Variants in PCDH9 observed in about 807,000 individuals in gnomAD.
The protein encoded by PCDH9 is protocadherin-9.
In PCDH9, 24 loss-of-function variants were observed where a neutral mutation model predicts 70.6. The observed-to-expected ratio is 0.34, with a 90% CI of 0.25 to 0.48. The LOEUF is 0.48. PCDH9 is among the 20% of genes least tolerant of loss of function. The pLI is 0.99. For missense variants in PCDH9, 1,281 were observed against 1,503.6 expected, an observed-to-expected ratio of 0.85 and a Z score of 2.45; for synonymous variants, 562 against 558.5, an observed-to-expected ratio of 1.01 and a Z score of -0.09.
At chr13:66,411,214 C>G (rs1187547110) in intron 4 of PCDH9, among the ~76,000 whole-genome samples, 1 of 152,184 alleles carries the variant, frequency 6.6e-6, no homozygotes, top group African/African-American at 2.4e-5. Context: ...ATTGGATAAT[C>G]ACTTCTTTAC....
At chr13:66,636,649 G>A (rs906739224) in intron 3 of PCDH9, among the ~76,000 whole-genome samples, 9 of 151,946 alleles carry the variant, frequency 5.9e-5, no homozygotes, top group East Asian at 1.9e-4. Context: ...ATATCTTCTC[G>A]TGGAAACATT....
chr13:66,722,831 G>A (rs762172868), intron 3 of PCDH9, among the ~76,000 whole-genome samples: 3 of 151,906 alleles, frequency 2.0e-5, no homozygotes, highest in African/African-American at 4.8e-5. Context: ...AGCCAGGCAC[G>A]GTGGCAGGTA....
intron 3 of PCDH9, among the ~76,000 whole-genome samples, chr13:66,671,656 T>TA (rs1381729180): frequency 2.6e-5 from 4 of 152,166 alleles, no homozygotes; most frequent in Admixed American, 2.0e-4. Flanking sequence ...GCCCCTGCCC[T>TA]AGAAATCTGT....
At chr13:66,944,817 C>CTCTGTGTG (rs779023332) in intron 2 of PCDH9, among the ~76,000 whole-genome samples, 2 of 135,348 alleles carry the variant, frequency 1.5e-5, no homozygotes, top group South Asian at 2.5e-4. Flanking sequence ...CTAATCGTCT[C>CTCTGTGTG]TGTGTGTGTG....
chr13:66,574,882 A>G (rs955116238), intron 4 of PCDH9, among the ~76,000 whole-genome samples: 2 of 152,156 alleles, frequency 1.3e-5, no homozygotes, highest in Non-Finnish European at 2.9e-5. Context: ...AATAGCAAAG[A>G]TATTTTTGGG....
rs1422986109 is a variant in PCDH9, at chr13:66,901,614, A to G, written c.3138+1890T>C. ...ACTGTTCTTTCACAAATGGACTAAT[A>G]ATATAAATAAACATCATAACTCTAG... On this transcript the variant is annotated intron_variant, in intron 3 of 4. Coordinates refer to ENST00000377865, the MANE Select transcript of PCDH9 (RefSeq NM_203487.3). 3.3e-5 allele frequency among the ~76,000 whole-genome samples: 5 copies of G among 151,920 alleles called. No homozygotes were observed. The East Asian group carries it at 9.7e-4, about 29-fold the overall frequency.
At chr13:66,787,051 T>C (rs958857616) in intron 3 of PCDH9, among the ~76,000 whole-genome samples, 3 of 152,124 alleles carry the variant, frequency 2.0e-5, no homozygotes, top group Admixed American at 2.0e-4. Context: ...AAAAATTTAG[T>C]CAAAAAACAG....
intron 2 of PCDH9, among the ~76,000 whole-genome samples, chr13:67,078,130 G>A (rs145978532): frequency 1.3e-3 from 202 of 152,196 alleles, no homozygotes; most frequent in African/African-American, 4.7e-3. Context: ...CAAACCTGTT[G>A]CAGGAGCCAT....
intron 3 of PCDH9, among the ~76,000 whole-genome samples, chr13:66,730,793 C>G (rs1295452583): frequency 6.6e-6 from 1 of 151,302 alleles, no homozygotes; most frequent in African/African-American, 2.4e-5. Context: ...ATCCTCCTGC[C>G]TCAGCCTCCT....
At chr13:66,336,480 G>T (rs1407770156) in intron 4 of PCDH9, among the ~76,000 whole-genome samples, 1 of 151,648 alleles carries the variant, frequency 6.6e-6, no homozygotes, top group Non-Finnish European at 1.5e-5. Flanking sequence ...TAGAGATTTT[G>T]GAATTAAAAG....
At chr13:67,029,131 A>G (rs2084854027) in intron 2 of PCDH9, among the ~76,000 whole-genome samples, 1 of 152,196 alleles carries the variant, frequency 6.6e-6, no homozygotes, top group Admixed American at 6.5e-5. Context: ...GCCAAGAAAG[A>G]CTAAAAAGCA....
In PCDH9 at chr13:66,598,656, C is replaced by A. The variant is rs562686173; in HGVS notation, c.3340+32554G>T. ...ATATTTGCAGCATAGCAACTACTGG[C>A]TTAATGATTTAATTAATCTAAACAT... On this transcript the variant is annotated intron_variant, in intron 4 of 4. Transcript: ENST00000377865. Among the ~76,000 whole-genome samples, 9 of 151,842 alleles carry A rather than the reference C, an allele frequency of 5.9e-5. 1 individual carries two copies. The South Asian group carries it at 1.9e-3, about 32-fold the overall frequency.
intron 4 of PCDH9, among the ~76,000 whole-genome samples, chr13:66,456,878 G>A (rs889567298): frequency 6.6e-6 from 1 of 151,984 alleles, no homozygotes; most frequent in Non-Finnish European, 1.5e-5. Flanking sequence ...ACTGCCATGG[G>A]CTTTGTTAAA....
chr13:67,021,279 T>G (rs2084668318), intron 2 of PCDH9, among the ~76,000 whole-genome samples: 1 of 152,170 alleles, frequency 6.6e-6, no homozygotes, highest in African/African-American at 2.4e-5. Context: ...TTAAGTGGAA[T>G]TCTGCAAGAA....
At chr13:66,522,252 TTAAAA>T (rs1347890094) in intron 4 of PCDH9, among the ~76,000 whole-genome samples, 1 of 151,774 alleles carries the variant, frequency 6.6e-6, no homozygotes, top group African/African-American at 2.4e-5. Flanking sequence ...ATCTTGTATC[TTAAAA>T]TAATACATGA....
intron 3 of PCDH9, among the ~76,000 whole-genome samples, chr13:66,824,124 CCTT>C (rs985941127): frequency 5.9e-5 from 9 of 151,544 alleles, no homozygotes; most frequent in Non-Finnish European, 1.2e-4. Context: ...AAGTTTTTCT[CCTT>C]CATAGAAAAA....
chr13:66,824,831 A>T (rs973737659), intron 3 of PCDH9, among the ~76,000 whole-genome samples: 10 of 151,482 alleles, frequency 6.6e-5, no homozygotes, highest in Admixed American at 5.3e-4. Flanking sequence ...GAGACAATGG[A>T]GCGTATTCCA....
At chr13:66,571,081 T>C (rs572517842) in intron 4 of PCDH9, among the ~76,000 whole-genome samples, 2 of 152,204 alleles carry the variant, frequency 1.3e-5, no homozygotes, top group African/African-American at 4.8e-5. Flanking sequence ...AAAATCTTAC[T>C]ACTGGTTAAA....
Position 66,642,639 on chromosome 13 carries a change from G to A in PCDH9, c.3139-11228C>T, listed in dbSNP as rs113029960. On this transcript the variant is annotated intron_variant, in intron 3 of 4. Transcript: ENST00000377865. ...AAGGTGTCAACACTTTGCCTTTCAC[G>A]ACCTGATTTTATTTTTTCAAACACC... 4.2e-3 allele frequency among the ~76,000 whole-genome samples: 635 copies of A among 151,786 alleles called. 2 individuals carry two copies. Among genetic ancestry groups the A allele is most frequent in the African/African-American group, 0.015 (606 of 41,432 alleles).
Sources: gnomAD v4.1 joint callset for allele counts (sites outside exome capture counted in the v4.1 genomes callset) on GRCh38, gnomAD v4.1.1 for gene constraint, MANE v1.5 for transcripts, NCBI Gene and HGNC (gene_info 2026-07-23, HGNC 2026-07-21) for gene names.